The following CECR2 variants were observed in gnomAD, a reference collection of about 807,000 sequenced individuals.
CECR2 encodes CECR2 histone acetyl-lysine reader.
Under a neutral mutation model 154.5 loss-of-function variants are expected in CECR2, and 30 were observed. The observed-to-expected ratio is 0.19, with a 90% CI of 0.15 to 0.26. The LOEUF (loss-of-function observed/expected upper bound fraction) is 0.26, where lower values mean the gene tolerates loss of function less well. CECR2 is among the 10% of genes least tolerant of loss of function. CECR2 has a pLI of 1.00. For missense variants in CECR2, 1,743 were observed against 1,829.3 expected, an observed-to-expected ratio of 0.95 and a Z score of 0.86; for synonymous variants, 725 against 683.7, an observed-to-expected ratio of 1.06 and a Z score of -0.94.
rs566331118 is a variant in CECR2, at chr22:17,444,338, T to C, written c.127-33250T>C. ...CAGGCTGGTAAGGAGTAATTAAAAATAGCCTTGGCCAGGTGCAGTGGCTCA... is the reference window on the plus strand; with the variant it reads ...CAGGCTGGTAAGGAGTAATTAAAAACAGCCTTGGCCAGGTGCAGTGGCTCA... On this transcript the variant is annotated intron_variant, in intron 1 of 18. Transcript: ENST00000262608. Among the ~76,000 whole-genome samples the C allele has an allele frequency of 3.9e-5, 6 of 152,196 alleles. No homozygotes were observed. The South Asian group carries it at 1.2e-3, about 32-fold the overall frequency.
chr22:17,383,497 T>TA (rs1479786688), intron 1 of CECR2, among the ~76,000 whole-genome samples: 1 of 152,126 alleles, frequency 6.6e-6, no homozygotes, highest in Non-Finnish European at 1.5e-5. Flanking sequence ...CCAGGAATAA[T>TA]ACATTGTGCC....
intron 1 of CECR2, among the ~76,000 whole-genome samples, chr22:17,380,052 G>A (rs1189734364): frequency 1.3e-5 from 2 of 148,202 alleles, no homozygotes; most frequent in African/African-American, 5.2e-5. Flanking sequence ...ACTAAGGTCT[G>A]ACCATTGTTT....
At chr22:17,432,228 T>C (rs569237258) in intron 1 of CECR2, among the ~76,000 whole-genome samples, 6 of 152,334 alleles carry the variant, frequency 3.9e-5, no homozygotes, top group Non-Finnish European at 8.8e-5. Flanking sequence ...ACAGCCCTAC[T>C]GTGGCCCTTT....
rs535481626 is a variant in CECR2, at chr22:17,414,197, C to T, written c.126+44288C>T. The stretch of plus-strand genomic sequence containing the variant: ...CTGTGTTAGCCAGGATGGTCTCGAT[C>T]GCCTGACCTCGTGATCCGCCCGCCT... On this transcript the variant is annotated intron_variant, in intron 1 of 18. Transcript: ENST00000262608. Among the ~76,000 whole-genome samples, 44 of 150,700 alleles carry T rather than the reference C, an allele frequency of 2.9e-4. No individual in the cohort carries two copies. The South Asian group carries it at 8.6e-3, about 29-fold the overall frequency.
At chr22:17,465,035 C>T (rs1283415328) in intron 1 of CECR2, among the ~76,000 whole-genome samples, 1 of 135,272 alleles carries the variant, frequency 7.4e-6, no homozygotes, top group African/African-American at 2.8e-5. Flanking sequence ...CTCGCTTTGT[C>T]GCCCAGGCTG....
chr22:17,470,692 T>G (rs2055112060), intron 1 of CECR2, among the ~76,000 whole-genome samples: 1 of 53,124 alleles, frequency 1.9e-5, no homozygotes, highest in Non-Finnish European at 3.4e-5. Context: ...TGCAAAACCC[T>G]TACTGACTGT....
chr22:17,545,809 C>T (rs2056605065), intron 16 of CECR2, among the ~76,000 whole-genome samples: 1 of 149,118 alleles, frequency 6.7e-6, no homozygotes, highest in Non-Finnish European at 1.5e-5. Context: ...CATCACTGCA[C>T]TCCAGCCTGG....
chr22:17,553,010 C>G lies in CECR2; in HGVS notation c.*170C>G, dbSNP rs1299186308. ...GCCAGTCACGGGCCCTAAAAGGACACTCCTTAGATGACTGACACACAGATT... is the reference window on the plus strand; with the variant it reads ...GCCAGTCACGGGCCCTAAAAGGACAGTCCTTAGATGACTGACACACAGATT... On this transcript the variant is annotated 3_prime_UTR_variant, in exon 19 of 19. Coordinates refer to ENST00000262608, the MANE Select transcript of CECR2 (RefSeq NM_001290047.2). 14 of 1,422,774 alleles carry G rather than the reference C, an allele frequency of 9.8e-6. No homozygotes were observed. The African/African-American group carries it at 1.6e-4, about 16-fold the overall frequency. 88.1% of individuals were successfully genotyped at this position (1,422,774 alleles called of 1,614,324 possible). A position where few individuals can be genotyped will look rare whatever the true frequency, so the allele number is the denominator to read the frequency against.
chr22:17,481,317 T>A (rs549152190), intron 2 of CECR2, among the ~76,000 whole-genome samples: 1 of 129,046 alleles, frequency 7.7e-6, no homozygotes, highest in Non-Finnish European at 1.6e-5. Flanking sequence ...CACTCCAGCC[T>A]GGGTGACAGA....
intron 1 of CECR2, among the ~76,000 whole-genome samples, chr22:17,405,666 A>T (rs146016834): frequency 0.18 from 23,588 of 128,284 alleles, 3,384 homozygotes; most frequent in East Asian, 0.33. Flanking sequence ...AAAAAAAAAA[A>T]TTTTCAATTG....
intron 1 of CECR2, among the ~76,000 whole-genome samples, chr22:17,380,688 C>T (rs1039796574): frequency 5.9e-5 from 9 of 152,170 alleles, no homozygotes; most frequent in African/African-American, 2.2e-4. Context: ...TAGAGGAAGC[C>T]GTGGGGCCAC....
At chr22:17,361,632 G>A (rs1464876744) in intron 1 of CECR2, among the ~76,000 whole-genome samples, 2 of 151,454 alleles carry the variant, frequency 1.3e-5, no homozygotes, top group African/African-American at 2.4e-5. Context: ...CTAGCTACTC[G>A]GGAGGCTGAG....
At chr22:17,450,258 A>G (rs2054747025) in intron 1 of CECR2, among the ~76,000 whole-genome samples, 1 of 152,154 alleles carries the variant, frequency 6.6e-6, no homozygotes, top group Admixed American at 6.6e-5. Flanking sequence ...TTTAATGGGA[A>G]AAAGTAATAT....
chr22:17,453,452 A>G (rs1025208633), intron 1 of CECR2, among the ~76,000 whole-genome samples: 1 of 152,194 alleles, frequency 6.6e-6, no homozygotes, highest in African/African-American at 2.4e-5. Flanking sequence ...CAAAAAAAAG[A>G]AAAAAGTATG....
At chr22:17,538,028 G>C (rs1406275535) in intron 10 of CECR2, among the ~76,000 whole-genome samples, 4 of 151,744 alleles carry the variant, frequency 2.6e-5, no homozygotes, top group Admixed American at 2.6e-4. Context: ...ATAAAGCCTG[G>C]GCAACATGGT....
chr22:17,539,896 C>T (rs894417239), intron 13 of CECR2, among the ~76,000 whole-genome samples: 2 of 152,128 alleles, frequency 1.3e-5, no homozygotes, highest in Non-Finnish European at 2.9e-5. Context: ...TGCAGTAGGG[C>T]AAACATGGCT....
chr22:17,473,822 A>G (rs1314460353), intron 1 of CECR2, among the ~76,000 whole-genome samples: 1 of 152,246 alleles, frequency 6.6e-6, no homozygotes, highest in Non-Finnish European at 1.5e-5. Flanking sequence ...TCCAAATGCC[A>G]GCCGCATATC....
chr22:17,386,073 C>A (rs954603478), intron 1 of CECR2, among the ~76,000 whole-genome samples: 1 of 152,202 alleles, frequency 6.6e-6, no homozygotes, highest in Non-Finnish European at 1.5e-5. Context: ...TGGTAGGTGT[C>A]ATTGAGCCCT....
intron 1 of CECR2, among the ~76,000 whole-genome samples, chr22:17,446,586 G>T (rs559826658): frequency 2.0e-5 from 3 of 148,158 alleles, no homozygotes; most frequent in Non-Finnish European, 4.4e-5. Context: ...GTGTGGTGGC[G>T]GGCGCCTGTA....
Sources: allele counts gnomAD v4.1 joint callset (sites outside exome capture counted in the v4.1 genomes callset), GRCh38; gene constraint gnomAD v4.1.1; transcripts MANE v1.5; gene names NCBI Gene and HGNC (gene_info 2026-07-23, HGNC 2026-07-21).